PRDM1: variants seen among roughly 807,000 people sequenced by gnomAD.
The protein encoded by PRDM1 is PR domain zinc finger protein 1.
PRDM1 carries 13 observed loss-of-function variants against 62.8 expected under a neutral mutation model. The ratio of observed to expected loss-of-function variants is 0.21; its 90% CI spans 0.13 to 0.33. PRDM1 has a LOEUF of 0.33. PRDM1 is among the 10% of genes least tolerant of loss of function. The pLI is 1.00. For missense variants in PRDM1, 895 were observed against 1,058.8 expected, an observed-to-expected ratio of 0.85 and a Z score of 2.15; for synonymous variants, 396 against 417.6, an observed-to-expected ratio of 0.95 and a Z score of 0.63.
chr6:106,035,136 T>C (rs1408486010), intron 1 of PRDM1, among the ~76,000 whole-genome samples: 1 of 152,234 alleles, frequency 6.6e-6, no homozygotes, highest in African/African-American at 2.4e-5. Context: ...GAGTGAAGTA[T>C]TGCAATCTCC....
intron 1 of PRDM1, among the ~76,000 whole-genome samples, chr6:106,061,519 G>A (rs910363422): frequency 7.9e-5 from 12 of 152,162 alleles, no homozygotes; most frequent in South Asian, 2.1e-4. Flanking sequence ...TGATAATCAC[G>A]TCCCATAGCT....
At chr6:105,997,846 T>G (rs1355748342) in intron 1 of PRDM1, among the ~76,000 whole-genome samples, 1 of 152,118 alleles carries the variant, frequency 6.6e-6, no homozygotes, top group Non-Finnish European at 1.5e-5. Flanking sequence ...GATTATGGTC[T>G]GAAAAAAGGA....
chr6:106,109,236 A>G lies in PRDM1; in HGVS notation c.*1750A>G, dbSNP rs746306669. The G allele has an allele frequency of 6.5e-5, 15 of 231,572 alleles. No homozygotes were observed. Among genetic ancestry groups the G allele is most frequent in the Admixed American group, 1.1e-4 (2 of 17,718 alleles). 14.3% of individuals were successfully genotyped at this position (231,572 alleles called of 1,614,324 possible). ...TTGGTGCAGTGGTGGGGACCACAAA[A>G]CAACCAGGGAGGAAGAGATACATCA... On this transcript the variant is annotated 3_prime_UTR_variant, in exon 7 of 7. Coordinates refer to ENST00000369096, the MANE Select transcript of PRDM1 (RefSeq NM_001198.4).
Position 106,108,427 on chromosome 6 carries a change from C to G in PRDM1, c.*941C>G, listed in dbSNP as rs1024483144. On this transcript the variant is annotated 3_prime_UTR_variant, in exon 7 of 7. Transcript: ENST00000369096. The stretch of plus-strand genomic sequence containing the variant: ...AAGAAAAAAATGCCATGTTTTAAAA[C>G]CACTGCGAAAATTTCCCCAAAGCAT... 28 of 232,200 alleles carry G rather than the reference C, an allele frequency of 1.2e-4. No individual in the cohort carries two copies. The highest frequency in any genetic ancestry group is 2.0e-4 in the Non-Finnish European group (24 of 117,750). The allele number at this position is 232,200 out of a possible 1,614,324, so 14.4% of individuals were successfully genotyped here. A position where few individuals can be genotyped will look rare whatever the true frequency, so the allele number is the denominator to read the frequency against.
chr6:106,034,469 T>G (rs968701897), intron 1 of PRDM1, among the ~76,000 whole-genome samples: 2 of 152,026 alleles, frequency 1.3e-5, no homozygotes, highest in Non-Finnish European at 2.9e-5. Flanking sequence ...GCATCTCTAA[T>G]TATTTTTCTA....
At chr6:106,024,128 C>A (rs1405767713) in intron 1 of PRDM1, among the ~76,000 whole-genome samples, 1 of 148,128 alleles carries the variant, frequency 6.8e-6, no homozygotes, top group Non-Finnish European at 1.5e-5. Context: ...GGTGACAAAG[C>A]AAGACCGTGT....
chr6:106,091,249 C>T (rs1348894280), intron 2 of PRDM1, among the ~76,000 whole-genome samples: 3 of 152,166 alleles, frequency 2.0e-5, no homozygotes, highest in East Asian at 1.9e-4. Flanking sequence ...CTCCCTGTAT[C>T]GTGGCTGATA....
At chr6:106,005,853 G>A (rs111488269) in intron 1 of PRDM1, among the ~76,000 whole-genome samples, 3 of 152,140 alleles carry the variant, frequency 2.0e-5, no homozygotes, top group Non-Finnish European at 4.4e-5. Context: ...TAATTTTAGT[G>A]TTAGAAATGA....
chr6:106,025,873 G>T (rs1772757001), intron 1 of PRDM1, among the ~76,000 whole-genome samples: 1 of 152,224 alleles, frequency 6.6e-6, no homozygotes, highest in East Asian at 1.9e-4. Flanking sequence ...ATGACTAAAA[G>T]TTGGCAATCT....
intron 1 of PRDM1, among the ~76,000 whole-genome samples, chr6:106,017,231 C>A (rs1354955087): frequency 6.6e-6 from 1 of 152,142 alleles, no homozygotes; most frequent in Non-Finnish European, 1.5e-5. Context: ...TGCCCCAACC[C>A]CCTCATTGCT....
At position 106,109,466 on chromosome 6, in the gene PRDM1, C is replaced by A. The variant is rs1246417233; in HGVS notation, c.*1980C>A. 1.7e-5 allele frequency: 4 copies of A among 233,482 alleles called. No individual in the cohort carries two copies. The highest frequency in any genetic ancestry group is 4.4e-5 in the African/African-American group (2 of 45,326). 14.5% of individuals were successfully genotyped at this position (233,482 alleles called of 1,614,324 possible). A position where few individuals can be genotyped will look rare whatever the true frequency, so the allele number is the denominator to read the frequency against. On this transcript the variant is annotated 3_prime_UTR_variant, in exon 7 of 7. Coordinates refer to ENST00000369096, the MANE Select transcript of PRDM1 (RefSeq NM_001198.4). ...TTTGTTCACATCAACTAATGTTCAC[C>A]TGTAGAAGAGAACAAATTTCGAATA...
At chr6:106,089,500 T>C (rs1328694565) in intron 2 of PRDM1, among the ~76,000 whole-genome samples, 2 of 151,084 alleles carry the variant, frequency 1.3e-5, no homozygotes, top group African/African-American at 4.9e-5. Context: ...GCTTTGTCTC[T>C]TTCCTGTTTG....
chr6:106,078,751 T>A (rs1036577926), intron 1 of PRDM1, among the ~76,000 whole-genome samples: 1 of 152,052 alleles, frequency 6.6e-6, no homozygotes, highest in Non-Finnish European at 1.5e-5. Flanking sequence ...TGGGTGCCTC[T>A]AGTCCTAGCT....
At chr6:106,061,307 C>T (rs1194870170) in intron 1 of PRDM1, among the ~76,000 whole-genome samples, 1 of 44,936 alleles carries the variant, frequency 2.2e-5, no homozygotes, top group Non-Finnish European at 4.2e-5. Flanking sequence ...GAGTGCCTTC[C>T]AGCAGTTCAG....
At chr6:106,050,555 G>A (rs552058255) in intron 1 of PRDM1, among the ~76,000 whole-genome samples, 26 of 152,168 alleles carry the variant, frequency 1.7e-4, no homozygotes, top group African/African-American at 5.1e-4. Context: ...AGATGAGCTC[G>A]TTTCTGAAGA....
At chr6:106,098,873 G>C in intron 3 of PRDM1, 1 of 1,513,146 alleles carries the variant, frequency 6.6e-7, no homozygotes, top group Non-Finnish European at 8.9e-7. Flanking sequence ...GTTTGACGTC[G>C]TCAGCCGGCT....
At chr6:106,098,940 C>A in intron 3 of PRDM1, 1 of 1,526,574 alleles carries the variant, frequency 6.6e-7, no homozygotes, top group South Asian at 1.3e-5. Flanking sequence ...GAACTGAAGT[C>A]AGTAGCATCG....
Position 106,088,336 on chromosome 6 carries a change from T to C in PRDM1, c.178T>C (p.Tyr60His). 1 of 1,614,132 alleles carries C rather than the reference T, an allele frequency of 6.2e-7. No individual in the cohort carries two copies. Among genetic ancestry groups the C allele is most frequent in the Non-Finnish European group, 8.5e-7 (1 of 1,180,036 alleles). Residue 60 changes from tyrosine to histidine, a missense_variant, in exon 2 of 7, where the codon TAC becomes CAC. Tyr to His is a moderately conservative substitution (Grantham distance 83). Around this residue, in one of 4 missense-constraint regions of PRDM1, gnomAD observed 213 missense variants for 283.9 expected, o/e 0.75. Coordinates refer to ENST00000369096, the MANE Select transcript of PRDM1 (RefSeq NM_001198.4). Reference sequence around the variant, plus strand: ...GGCTGAGTTTGAAGAGAAGTGTACATACATTGTGAACGACCACCCCTGGGA... The same window carrying C: ...GGCTGAGTTTGAAGAGAAGTGTACACACATTGTGAACGACCACCCCTGGGA... Reference protein sequence around the residue: ...TEAEFEEKCTYIVNDHPWDSG... With the variant: ...TEAEFEEKCTHIVNDHPWDSG...
upstream of PRDM1, chr6:106,045,947 G>T (rs1312008575): frequency 1.3e-5 from 2 of 152,110 alleles, no homozygotes; most frequent in Non-Finnish European, 2.9e-5. Context: ...GTATCCTCAT[G>T]GGTGATATTA....
Sources: gnomAD v4.1 joint callset for allele counts (sites outside exome capture counted in the v4.1 genomes callset) on GRCh38, gnomAD v4.1.1 for gene constraint, gnomAD v4.1.1 regional missense constraint, MANE v1.5 for transcripts, NCBI Gene and HGNC (gene_info 2026-07-23, HGNC 2026-07-21) for gene names.